The following OPCML variants were observed in gnomAD, a reference collection of about 807,000 sequenced individuals.
OPCML encodes the protein opioid-binding protein/cell adhesion molecule.
OPCML carries 13 observed loss-of-function variants against 37.8 expected under a neutral mutation model. The ratio of observed to expected loss-of-function variants is 0.34; its 90% CI spans 0.22 to 0.55. OPCML has a LOEUF of 0.55. Ranked by LOEUF, OPCML falls within the 20% of genes least tolerant of loss-of-function variation. OPCML has a pLI of 0.91. For missense variants in OPCML, 341 were observed against 435.6 expected, an observed-to-expected ratio of 0.78 and a Z score of 1.93; for synonymous variants, 176 against 168.8, an observed-to-expected ratio of 1.04 and a Z score of -0.33.
chr11:133,333,398 A>AC (rs1943669963), intron 1 of OPCML, among the ~76,000 whole-genome samples: 2 of 151,122 alleles, frequency 1.3e-5, no homozygotes, highest in African/African-American at 4.9e-5. Context: ...GAAAAAAAAA[A>AC]CTCCCTATTC....
At chr11:133,479,151 G>T (rs1441336012) in intron 1 of OPCML, among the ~76,000 whole-genome samples, 5 of 152,200 alleles carry the variant, frequency 3.3e-5, no homozygotes, top group Non-Finnish European at 7.3e-5. Flanking sequence ...GTTGGTCCAT[G>T]AGCTGCCTGC....
chr11:132,644,189 TA>T (rs761299683), intron 3 of OPCML, among the ~76,000 whole-genome samples: 1 of 152,150 alleles, frequency 6.6e-6, no homozygotes, highest in Non-Finnish European at 1.5e-5. Context: ...AGATAGGGCT[TA>T]TTTTTTTTCC....
At chr11:132,987,140 C>T (rs1348074798) in intron 1 of OPCML, among the ~76,000 whole-genome samples, 1 of 152,142 alleles carries the variant, frequency 6.6e-6, no homozygotes, top group African/African-American at 2.4e-5. Flanking sequence ...AATCCCTGTC[C>T]TCTAGAAACT....
chr11:133,486,607 G>T (rs1947530620), intron 1 of OPCML, among the ~76,000 whole-genome samples: 1 of 152,040 alleles, frequency 6.6e-6, no homozygotes, highest in Non-Finnish European at 1.5e-5. Flanking sequence ...CCTCTTCTCT[G>T]AGAATCTTAT....
intron 2 of OPCML, among the ~76,000 whole-genome samples, chr11:132,765,186 A>G (rs978977977): frequency 2.0e-5 from 3 of 152,178 alleles, no homozygotes; most frequent in African/African-American, 7.2e-5. Context: ...TCAGGGTAGT[A>G]AAGTCCTTAC....
chr11:133,286,698 T>A (rs1042343741), intron 1 of OPCML, among the ~76,000 whole-genome samples: 1 of 152,270 alleles, frequency 6.6e-6, no homozygotes, highest in African/African-American at 2.4e-5. Context: ...CTACCTGCAC[T>A]AACCTCAAGA....
At chr11:132,424,516 A>T (rs1234632553) in intron 7 of OPCML, among the ~76,000 whole-genome samples, 1 of 152,194 alleles carries the variant, frequency 6.6e-6, no homozygotes. Context: ...GCGAAGGAGC[A>T]GACTTCCTGG....
chr11:132,640,689 A>T (rs1476237712), intron 3 of OPCML, among the ~76,000 whole-genome samples: 1 of 152,152 alleles, frequency 6.6e-6, no homozygotes, highest in East Asian at 1.9e-4. Context: ...GGTGGTGAAG[A>T]CAGTGTAATG....
chr11:133,204,868 GTATATATATA>G lies in OPCML; in HGVS notation c.62-261868_62-261859del, dbSNP rs57658806. On this transcript the variant is annotated intron_variant, in intron 1 of 7. Transcript: ENST00000524381. The stretch of plus-strand genomic sequence containing the variant: ...TGATCTATTATATATATATATATGT[GTATATATATA>G]TATATATATATATATATATATATAT... 4.0e-3 allele frequency among the ~76,000 whole-genome samples: 473 copies of G among 117,322 alleles called. 7 individuals are homozygous for G. Among genetic ancestry groups the G allele is most frequent in the Middle Eastern group, 0.017 (4 of 234 alleles). 77.0% of individuals were successfully genotyped at this position (117,322 alleles called of 152,430 possible). A position where few individuals can be genotyped will look rare whatever the true frequency, so the allele number is the denominator to read the frequency against.
At chr11:133,226,623 T>G (rs1940049805) in intron 1 of OPCML, among the ~76,000 whole-genome samples, 1 of 152,202 alleles carries the variant, frequency 6.6e-6, no homozygotes, top group South Asian at 2.1e-4. Context: ...TGTGATATTT[T>G]AACATCTAAA....
chr11:132,549,276 A>G (rs1301703866), intron 3 of OPCML, among the ~76,000 whole-genome samples: 2 of 152,184 alleles, frequency 1.3e-5, no homozygotes, highest in African/African-American at 4.8e-5. Flanking sequence ...GTAATTTACA[A>G]ATGCTATGGC....
chr11:132,834,922 G>C (rs1319655233), intron 2 of OPCML, among the ~76,000 whole-genome samples: 3 of 151,526 alleles, frequency 2.0e-5, no homozygotes, highest in Non-Finnish European at 4.4e-5. Context: ...CTACTGTGAA[G>C]TTTGTAATTA....
chr11:132,637,556 T>A (rs542080608), intron 3 of OPCML, among the ~76,000 whole-genome samples: 3 of 152,332 alleles, frequency 2.0e-5, no homozygotes, highest in African/African-American at 7.2e-5. Context: ...TGATGCTGAA[T>A]TTTATTTTTT....
intron 2 of OPCML, among the ~76,000 whole-genome samples, chr11:132,732,837 G>T (rs995076674): frequency 2.0e-5 from 3 of 152,112 alleles, no homozygotes; most frequent in Non-Finnish European, 2.9e-5. Flanking sequence ...AGAGATTAAT[G>T]GTGACCACTA....
chr11:133,188,944 C>A (rs1938197260), intron 1 of OPCML, among the ~76,000 whole-genome samples: 1 of 152,100 alleles, frequency 6.6e-6, no homozygotes, highest in African/African-American at 2.4e-5. Context: ...CAGGTGATAT[C>A]ACCACTTATA....
At chr11:132,849,920 T>C (rs924331147) in intron 2 of OPCML, among the ~76,000 whole-genome samples, 3 of 152,220 alleles carry the variant, frequency 2.0e-5, no homozygotes, top group Non-Finnish European at 4.4e-5. Flanking sequence ...CATGGATCTC[T>C]AAGTTCTTTG....
chr11:133,421,978 T>A lies in OPCML; in HGVS notation c.61+110286A>T, dbSNP rs756784463. ...ACACAGCTCTTTCTTTTCTTTTTTT[T>A]AAATTATACTTTAAGTTCTGGGGTA... On this transcript the variant is annotated intron_variant, in intron 1 of 7. Coordinates refer to ENST00000524381, the MANE Select transcript of OPCML (RefSeq NM_001012393.5). 3.3e-5 allele frequency among the ~76,000 whole-genome samples: 5 copies of A among 152,256 alleles called. No individual in the cohort carries two copies. In the South Asian group the frequency reaches 6.2e-4, roughly 19 times the overall value.
chr11:133,198,919 C>T (rs912562207), intron 1 of OPCML, among the ~76,000 whole-genome samples: 3 of 152,200 alleles, frequency 2.0e-5, no homozygotes, highest in African/African-American at 7.2e-5. Flanking sequence ...AAATCCATCT[C>T]TGTATCTTAA....
intron 2 of OPCML, among the ~76,000 whole-genome samples, chr11:132,789,242 T>C (rs115364608): frequency 0.011 from 1,718 of 152,344 alleles, 33 homozygotes; most frequent in African/African-American, 0.038. Context: ...AATTGTTTAT[T>C]TCATGTCTGG....
Sources: gnomAD v4.1 joint callset for allele counts (sites outside exome capture counted in the v4.1 genomes callset) on GRCh38, gnomAD v4.1.1 for gene constraint, MANE v1.5 for transcripts, NCBI Gene and HGNC (gene_info 2026-07-23, HGNC 2026-07-21) for gene names.